CAMK1D: variants seen among roughly 807,000 people sequenced by gnomAD.
The protein encoded by CAMK1D is calcium/calmodulin-dependent protein kinase type 1D.
A neutral mutation model predicts 47.7 loss-of-function variants in CAMK1D; 9 were observed. That is an observed-to-expected ratio of 0.19 (90% confidence interval 0.11 to 0.33). The LOEUF is 0.33. Ranked by LOEUF, CAMK1D falls within the 10% of genes least tolerant of loss-of-function variation. The probability of loss-of-function intolerance (pLI) is 1.00; values close to 1 mark genes in which losing one functional copy is unlikely to be tolerated. For synonymous variants in CAMK1D, 184 were observed against 184.9 expected, an observed-to-expected ratio of 0.99 and a Z score of 0.04; for missense variants, 291 against 488.7, an observed-to-expected ratio of 0.60 and a Z score of 3.81.
intron 2 of CAMK1D, among the ~76,000 whole-genome samples, chr10:12,574,549 C>G (rs1564422022): frequency 6.9e-6 from 1 of 144,824 alleles, no homozygotes; most frequent in African/African-American, 2.6e-5. Flanking sequence ...AACTCCTGGC[C>G]TCAAGTGATC....
rs112898823 is a variant in CAMK1D, at chr10:12,828,951, C to T, written c.*64C>T. 79 of 1,218,868 alleles carry T rather than the reference C, an allele frequency of 6.5e-5. No individual in the cohort carries two copies. In the Middle Eastern group the frequency reaches 1.4e-3, roughly 21 times the overall value. The allele number at this position is 1,218,868 out of a possible 1,614,324, so 75.5% of individuals were successfully genotyped here. On this transcript the variant is annotated 3_prime_UTR_variant, in exon 11 of 11. Coordinates refer to ENST00000619168, the MANE Select transcript of CAMK1D (RefSeq NM_153498.4). ...AGGGGAGCCCCAGGGTCGCCAGAGCCGCGAGCCACTCCAGCGAGACCCCAC... is the reference window on the plus strand; with the variant it reads ...AGGGGAGCCCCAGGGTCGCCAGAGCTGCGAGCCACTCCAGCGAGACCCCAC...
chr10:12,677,683 GAGTCTGTGAGGGGCTC>G (rs1840857761), intron 3 of CAMK1D, among the ~76,000 whole-genome samples: 1 of 152,160 alleles, frequency 6.6e-6, no homozygotes, highest in Non-Finnish European at 1.5e-5. Context: ...GAGGGAAGAA[GAGTCTGTGAGGGGCTC>G]AGTCTATGAG....
chr10:12,827,326 C>CTTTCTT (rs1564593755), intron 10 of CAMK1D, among the ~76,000 whole-genome samples: 1 of 13,600 alleles, frequency 7.4e-5, no homozygotes, highest in Non-Finnish European at 1.8e-4. Context: ...CTTTCTTTCT[C>CTTTCTT]TCTCTTCTCT....
chr10:12,682,235 C>T (rs987816026), intron 3 of CAMK1D, among the ~76,000 whole-genome samples: 1 of 151,762 alleles, frequency 6.6e-6, no homozygotes, highest in African/African-American at 2.4e-5. Context: ...CAAAACAAAA[C>T]AAAACAAAAA....
intron 1 of CAMK1D, among the ~76,000 whole-genome samples, chr10:12,459,644 G>GTTTA (rs139073962): frequency 6.6e-6 from 1 of 152,182 alleles, no homozygotes; most frequent in Non-Finnish European, 1.5e-5. Context: ...TTTGTCTTGT[G>GTTTA]TTTATTTATT....
At chr10:12,477,978 C>T (rs1014091422) in intron 1 of CAMK1D, among the ~76,000 whole-genome samples, 5 of 151,312 alleles carry the variant, frequency 3.3e-5, no homozygotes, top group Admixed American at 2.6e-4. Context: ...TATTATGCCT[C>T]TTTATATCAC....
At chr10:12,546,436 G>A (rs1836374034) in intron 1 of CAMK1D, among the ~76,000 whole-genome samples, 1 of 152,110 alleles carries the variant, frequency 6.6e-6, no homozygotes, top group Non-Finnish European at 1.5e-5. Context: ...GAGAAGTTTT[G>A]GGGTGAAGAT....
At chr10:12,788,596 G>C (rs911101034) in intron 5 of CAMK1D, among the ~76,000 whole-genome samples, 1 of 152,188 alleles carries the variant, frequency 6.6e-6, no homozygotes, top group African/African-American at 2.4e-5. Flanking sequence ...TGTGGATGTC[G>C]TTGCTTCTCA....
chr10:12,478,106 T>C (rs1475814130), intron 1 of CAMK1D, among the ~76,000 whole-genome samples: 2 of 149,338 alleles, frequency 1.3e-5, no homozygotes, highest in Admixed American at 6.7e-5. Flanking sequence ...CCCGGGTTCA[T>C]GCCATTCTCC....
At chr10:12,405,095 T>C (rs1839371262) in intron 1 of CAMK1D, among the ~76,000 whole-genome samples, 1 of 152,200 alleles carries the variant, frequency 6.6e-6, no homozygotes, top group African/African-American at 2.4e-5. Flanking sequence ...GGTCACTGCA[T>C]GTTGAATTGA....
At chr10:12,546,923 C>T (rs1167716482) in intron 1 of CAMK1D, among the ~76,000 whole-genome samples, 2 of 151,812 alleles carry the variant, frequency 1.3e-5, no homozygotes, top group East Asian at 1.9e-4. Context: ...CAAACCTGCA[C>T]GTGGTGCACA....
At chr10:12,376,162 C>CA (rs59804213) in intron 1 of CAMK1D, among the ~76,000 whole-genome samples, 4,746 of 59,258 alleles carry the variant, frequency 0.08, 172 homozygotes, top group African/African-American at 0.18. Context: ...GACTCTGTCC[C>CA]AAAAAAAAAA....
intron 1 of CAMK1D, among the ~76,000 whole-genome samples, chr10:12,472,792 G>T (rs1833786793): frequency 6.6e-6 from 1 of 152,166 alleles, no homozygotes; most frequent in African/African-American, 2.4e-5. Flanking sequence ...AAAGTGCTGG[G>T]ATTACAGGCG....
chr10:12,523,357 G>A (rs1156396972), intron 1 of CAMK1D, among the ~76,000 whole-genome samples: 1 of 152,176 alleles, frequency 6.6e-6, no homozygotes, highest in East Asian at 1.9e-4. Context: ...GCCGGGCAGA[G>A]GCTGCAATCT....
At chr10:12,753,442 T>C (rs556033420) in intron 3 of CAMK1D, among the ~76,000 whole-genome samples, 3 of 152,362 alleles carry the variant, frequency 2.0e-5, no homozygotes, top group African/African-American at 7.2e-5. Flanking sequence ...TCATGCTAGG[T>C]TGATAGCTCT....
At chr10:12,479,864 C>G (rs77415978) in intron 1 of CAMK1D, among the ~76,000 whole-genome samples, 4,545 of 152,294 alleles carry the variant, frequency 0.03, 221 homozygotes, top group African/African-American at 0.1. Context: ...ATAAAATCCA[C>G]TATAACGCAG....
At chr10:12,418,648 G>A (rs1184761533) in intron 1 of CAMK1D, among the ~76,000 whole-genome samples, 2 of 152,206 alleles carry the variant, frequency 1.3e-5, no homozygotes, top group Non-Finnish European at 2.9e-5. Context: ...CTAGCAATGT[G>A]TGAGCATGAC....
At chr10:12,784,446 CCTT>C (rs1837631869) in intron 5 of CAMK1D, among the ~76,000 whole-genome samples, 1 of 152,148 alleles carries the variant, frequency 6.6e-6, no homozygotes, top group Non-Finnish European at 1.5e-5. Flanking sequence ...GATTCATCCT[CCTT>C]GGCCTCCCAA....
chr10:12,760,139 T>G (rs894671088), intron 3 of CAMK1D, among the ~76,000 whole-genome samples: 2 of 152,190 alleles, frequency 1.3e-5, no homozygotes, highest in African/African-American at 4.8e-5. Context: ...TTTGTTGAAC[T>G]CAGGGCAGCA....
Sources: gnomAD v4.1 joint callset for allele counts (sites outside exome capture counted in the v4.1 genomes callset) on GRCh38, gnomAD v4.1.1 for gene constraint, MANE v1.5 for transcripts, NCBI Gene and HGNC (gene_info 2026-07-23, HGNC 2026-07-21) for gene names.